Variants in ITGA8 observed in about 807,000 individuals in gnomAD.
ITGA8 encodes the protein integrin subunit alpha 8.
Under a neutral mutation model 142.3 loss-of-function variants are expected in ITGA8, and 91 were observed. The observed-to-expected ratio is 0.64, with a 90% CI of 0.54 to 0.76. The LOEUF is 0.76. Among genes scored for constraint, ITGA8 ranks in the 30% least tolerant of loss-of-function variants. The pLI, the probability that ITGA8 is intolerant of heterozygous loss-of-function variation, is 0.00. For missense variants in ITGA8, 1,406 were observed against 1,327.7 expected (o/e 1.06, Z -0.92); for synonymous variants, 505 against 485.2 (o/e 1.04, Z -0.54).
intron 28 of ITGA8, among the ~76,000 whole-genome samples, chr10:15,523,648 G>A (rs144481924): frequency 2.6e-5 from 4 of 151,486 alleles, no homozygotes; most frequent in East Asian, 1.9e-4. Flanking sequence ...GGTGGCTTAC[G>A]CCTGTAATCC....
intron 13 of ITGA8, among the ~76,000 whole-genome samples, chr10:15,634,879 G>A (rs1364397444): frequency 6.6e-6 from 1 of 152,046 alleles, no homozygotes; most frequent in East Asian, 1.9e-4. Context: ...ATCATGAGGG[G>A]GAGCTGGGGG....
At chr10:15,695,877 T>C (rs1770737239) in intron 2 of ITGA8, among the ~76,000 whole-genome samples, 1 of 152,164 alleles carries the variant, frequency 6.6e-6, no homozygotes, top group African/African-American at 2.4e-5. Context: ...GACAATCACC[T>C]CTTTAGTCCT....
chr10:15,591,164 G>T (rs1832915675), intron 22 of ITGA8, among the ~76,000 whole-genome samples: 1 of 151,884 alleles, frequency 6.6e-6, no homozygotes, highest in South Asian at 2.1e-4. Context: ...TAACCATCTT[G>T]CACACTAGTA....
At chr10:15,637,461 A>T (rs967479147) in intron 13 of ITGA8, among the ~76,000 whole-genome samples, 13 of 152,130 alleles carry the variant, frequency 8.5e-5, no homozygotes, top group African/African-American at 3.1e-4. Context: ...ATCTGAACTC[A>T]GGTAATCCGA....
chr10:15,719,151 G>C (rs754925365), intron 1 of ITGA8, among the ~76,000 whole-genome samples: 46 of 152,296 alleles, frequency 3.0e-4, no homozygotes, highest in Non-Finnish European at 4.9e-4. Flanking sequence ...AGAAGGGGGT[G>C]GGGTAGGAGG....
At chr10:15,668,126 G>T (rs978489735) in intron 8 of ITGA8, among the ~76,000 whole-genome samples, 2 of 152,300 alleles carry the variant, frequency 1.3e-5, no homozygotes, top group South Asian at 2.1e-4. Flanking sequence ...GGGTGTTAAA[G>T]TCTCCCATTA....
At chr10:15,708,411 T>C (rs1305216679) in intron 2 of ITGA8, among the ~76,000 whole-genome samples, 1 of 152,104 alleles carries the variant, frequency 6.6e-6, no homozygotes, top group Non-Finnish European at 1.5e-5. Flanking sequence ...GGAGACCAGG[T>C]GGAACAGGTT....
chr10:15,568,074 A>G (rs1360893722), intron 25 of ITGA8, among the ~76,000 whole-genome samples: 1 of 152,078 alleles, frequency 6.6e-6, no homozygotes. Context: ...GGCATGTGTC[A>G]TCATGCCTGG....
At chr10:15,617,362 A>G (rs1047356517) in intron 13 of ITGA8, among the ~76,000 whole-genome samples, 3 of 151,674 alleles carry the variant, frequency 2.0e-5, no homozygotes, top group African/African-American at 7.3e-5. Context: ...GGTCACAATT[A>G]TTTAGGTGAT....
At chr10:15,575,337 C>T in intron 24 of ITGA8, 152 bp downstream of exon 24, 1 of 597,812 alleles carries the variant, frequency 1.7e-6, no homozygotes, top group Non-Finnish European at 3.1e-6. Context: ...CTGCAGTGAG[C>T]TGTGATTGCA....
chr10:15,634,356 C>T (rs1485175791), intron 13 of ITGA8, among the ~76,000 whole-genome samples: 1 of 151,840 alleles, frequency 6.6e-6, no homozygotes, highest in South Asian at 2.1e-4. Flanking sequence ...ACACCATTAA[C>T]TGATTTATAC....
intron 10 of ITGA8, among the ~76,000 whole-genome samples, chr10:15,656,306 C>G (rs1327801639): frequency 6.6e-6 from 1 of 152,108 alleles, no homozygotes; most frequent in Non-Finnish European, 1.5e-5. Flanking sequence ...AACAAAAGCT[C>G]CTAAATCTTT....
chr10:15,690,105 T>G (rs1300091524), intron 2 of ITGA8, among the ~76,000 whole-genome samples: 2 of 151,540 alleles, frequency 1.3e-5, no homozygotes, highest in African/African-American at 4.8e-5. Flanking sequence ...TTGGGCCAAA[T>G]GGCAGCAGCA....
At chr10:15,532,443 AAAAG>A (rs1237703617) in intron 27 of ITGA8, among the ~76,000 whole-genome samples, 1 of 150,264 alleles carries the variant, frequency 6.7e-6, no homozygotes, top group African/African-American at 2.4e-5. Flanking sequence ...AAAAAAAAAA[AAAAG>A]CCTCTAGTTA....
intron 4 of ITGA8, among the ~76,000 whole-genome samples, chr10:15,683,654 C>T (rs553658956): frequency 8.5e-5 from 13 of 152,324 alleles, no homozygotes; most frequent in African/African-American, 2.2e-4. Flanking sequence ...TAGCTAACAC[C>T]GTTTTGGCAA....
intron 12 of ITGA8, among the ~76,000 whole-genome samples, chr10:15,645,363 A>G (rs933645755): frequency 6.6e-6 from 1 of 152,092 alleles, no homozygotes; most frequent in African/African-American, 2.4e-5. Flanking sequence ...TAAAAATACT[A>G]TTAAAGGTTT....
chr10:15,556,787 A>T (rs900023677), intron 26 of ITGA8, among the ~76,000 whole-genome samples: 3 of 152,216 alleles, frequency 2.0e-5, no homozygotes, highest in African/African-American at 7.2e-5. Flanking sequence ...GCTATCAAAC[A>T]ATAGATCTTA....
intron 20 of ITGA8, 83 bp from the exon 21 acceptor site, chr10:15,597,382 CCCCTGGATCTCA>C (rs1833027565): frequency 1.9e-6 from 2 of 1,077,080 alleles, no homozygotes; most frequent in South Asian, 2.5e-5. Flanking sequence ...CCTGGGAGCT[CCCCTGGATCTCA>C]AACACCCAGG....
intron 27 of ITGA8, among the ~76,000 whole-genome samples, chr10:15,547,227 C>A (rs1353954485): frequency 6.6e-6 from 1 of 152,120 alleles, no homozygotes; most frequent in Non-Finnish European, 1.5e-5. Flanking sequence ...TAGCGCTTTC[C>A]AAAATGAAAC....
Sources: gnomAD v4.1 joint callset for allele counts (sites outside exome capture counted in the v4.1 genomes callset) on GRCh38, gnomAD v4.1.1 for gene constraint, MANE v1.5 for transcripts, NCBI Gene and HGNC (gene_info 2026-07-23, HGNC 2026-07-21) for gene names.